Variants in IGSF9 observed in about 807,000 individuals in gnomAD.
IGSF9 encodes the protein protein turtle homolog A.
In IGSF9, 87 loss-of-function variants were observed where a neutral mutation model predicts 121.7. The ratio of observed to expected loss-of-function variants is 0.71; its 90% CI spans 0.60 to 0.85. IGSF9 has a LOEUF of 0.85. Ranked by LOEUF, IGSF9 falls within the 40% of genes least tolerant of loss-of-function variation. The pLI, the probability that IGSF9 is intolerant of heterozygous loss-of-function variation, is 0.00. For missense variants in IGSF9, 1,462 were observed against 1,565.3 expected (o/e 0.93, Z 1.11); for synonymous variants, 640 against 648.4 (o/e 0.99, Z 0.20).
Position 159,928,635 on chromosome 1 carries a change from G to A in IGSF9, c.2753C>T (p.Pro918Leu). ...PPPAAPPSPLPGPGPLLQYLS... is the reference protein window; with the variant it reads ...PPPAAPPSPLLGPGPLLQYLS... ...GTACTGGAGCAGGGGTCCAGGACCTGGCAAGGGACTGGGTGGGGCTGCTGG... is the reference window on the plus strand; with the variant it reads ...GTACTGGAGCAGGGGTCCAGGACCTAGCAAGGGACTGGGTGGGGCTGCTGG... The change falls in exon 19 of 21, where the codon CCA (proline) becomes CTA (leucine). Residue 918 changes from proline (P) to leucine (L), a missense_variant. This residue lies in a region of IGSF9 where 808 missense variants were observed against 815.2 expected (regional missense o/e 0.99). Coordinates refer to ENST00000368094, the MANE Select transcript of IGSF9 (RefSeq NM_001135050.2). The A allele has an allele frequency of 6.7e-7, 1 of 1,486,398 alleles. No homozygotes were observed. The highest frequency in any genetic ancestry group is 1.4e-5 in the African/African-American group (1 of 71,508). The allele number at this position is 1,486,398 out of a possible 1,614,324, so 92.1% of individuals were successfully genotyped here.
Position 159,928,313 on chromosome 1 carries a change from G to T in IGSF9, c.3075C>A (p.Ser1025Arg). ...GGAACGAAGCGCTGCCTCGCCCACT[G>T]CTCTGGCTGGTGAGGCTGCCTCGAG... is the stretch of plus-strand genomic sequence containing the variant. ...AAPRGSLTSQ[S>R]SGRGSASFLR... is the part of the protein sequence containing the mutation. Residue 1025 changes from serine (S) to arginine (R), a missense_variant, in exon 19 of 21, where the codon AGC becomes AGA. By Grantham distance (110) the Ser-to-Arg change is moderately radical. Transcript: ENST00000368094. 2 of 1,610,946 alleles carry T rather than the reference G, an allele frequency of 1.2e-6. No homozygotes were observed. The highest frequency in any genetic ancestry group is 1.7e-5 in the Admixed American group (1 of 59,782).
intron 9 of IGSF9, 77 bp downstream of exon 9, chr1:159,934,113 C>T (rs970484097): frequency 3.5e-5 from 52 of 1,497,288 alleles, no homozygotes; most frequent in East Asian, 4.9e-5. Context: ...TGAATTAAAC[C>T]GAGCTAACTC....
Position 159,928,244 on chromosome 1 carries a change from G to C in IGSF9, c.3144C>G (p.Leu1048=), listed in dbSNP as rs761380186. 6.2e-7 allele frequency: 1 copy of C among 1,613,242 alleles called. No homozygotes were observed. The highest frequency in any genetic ancestry group is 8.5e-7 in the Non-Finnish European group (1 of 1,179,912). Residue 1048 remains leucine (L), a synonymous_variant, in exon 19 of 21, where the codon CTC becomes CTG. Transcript: ENST00000368094. ...STAPSAGGSY[L]SPAPGDTSSW... is the part of the protein sequence containing the mutation. ...TGCTGGTGTCTCCTGGAGCAGGGCTGAGGTAGCTGCCTCCTGCAGAGGGGG... is the reference window on the plus strand; with the variant it reads ...TGCTGGTGTCTCCTGGAGCAGGGCTCAGGTAGCTGCCTCCTGCAGAGGGGG...
chr1:159,944,984 C>T (rs1056176443), intron 1 of IGSF9, among the ~76,000 whole-genome samples: 1 of 151,974 alleles, frequency 6.6e-6, no homozygotes, highest in African/African-American at 2.4e-5. Flanking sequence ...CCCTAGAATT[C>T]CTCCCAGTCT....
At chr1:159,944,418 G>A (rs1025377468) in intron 1 of IGSF9, among the ~76,000 whole-genome samples, 1 of 152,042 alleles carries the variant, frequency 6.6e-6, no homozygotes, top group Non-Finnish European at 1.5e-5. Context: ...GGCAGCTGGC[G>A]CCACTTCCTC....
At chr1:159,927,684 T>C in intron 20 of IGSF9, 76 bp downstream of exon 20, 2 of 1,568,414 alleles carry the variant, frequency 1.3e-6, no homozygotes, top group Non-Finnish European at 1.7e-6. Context: ...TGACTGGGAA[T>C]AGATGGGTCC....
In IGSF9 at chr1:159,928,472, G is replaced by T. The variant is rs368478330; in HGVS notation, c.2916C>A (p.Thr972=). 7.5e-6 allele frequency: 12 copies of T among 1,589,938 alleles called. No homozygotes were observed. Among genetic ancestry groups the T allele is most frequent in the African/African-American group, 6.7e-5 (5 of 74,362 alleles). ...PTSSFLRSPE[T]PPVSPRESLP... ...GTGATTCCCTGGGGGATACAGGAGG[G>T]GTTTCTGGAGAACGAAGGAAAGATG... Residue 972 remains threonine (T), a synonymous_variant, in exon 19 of 21, where the codon ACC becomes ACA. Coordinates refer to ENST00000368094, the MANE Select transcript of IGSF9 (RefSeq NM_001135050.2).
Position 159,927,274 on chromosome 1 carries a change from A to T in IGSF9, c.*71T>A. ...GGCAGGGGCAGTGCCCTCGTTTGAA[A>T]CTAGGTCTGTCTGGTTGGGGGCCTC... is the stretch of plus-strand genomic sequence containing the variant. On this transcript the variant is annotated 3_prime_UTR_variant, in exon 21 of 21. Coordinates refer to ENST00000368094, the MANE Select transcript of IGSF9 (RefSeq NM_001135050.2). The T allele has an allele frequency of 6.3e-7, 1 of 1,586,362 alleles. No homozygotes were observed. Among genetic ancestry groups the T allele is most frequent in the Non-Finnish European group, 8.6e-7 (1 of 1,157,922 alleles).
chr1:159,932,725 A>G lies in IGSF9; in HGVS notation c.1105-73T>C, dbSNP rs1651041349. On this transcript the variant is annotated intron_variant, in intron 9 of 20. Coordinates refer to ENST00000368094, the MANE Select transcript of IGSF9 (RefSeq NM_001135050.2). The surrounding 1 kb of genome is among the most constrained non-coding windows in gnomAD (Gnocchi z 4.1). ...CAAGCCCGGGATGGCAGTACAAGAG[A>G]GGGGGCAGGATGAGAAACCCACAGC... is the stretch of plus-strand genomic sequence containing the variant. 1 of 1,473,462 alleles carries G rather than the reference A, an allele frequency of 6.8e-7. No homozygotes were observed. Among genetic ancestry groups the G allele is most frequent in the South Asian group, 1.3e-5 (1 of 76,540 alleles). 91.3% of individuals were successfully genotyped at this position (1,473,462 alleles called of 1,614,324 possible). A position where few individuals can be genotyped will look rare whatever the true frequency, so the allele number is the denominator to read the frequency against.
At chr1:159,930,149 C>T (rs1355486271) in intron 15 of IGSF9, 40 bp downstream of exon 15, 1 of 1,567,862 alleles carries the variant, frequency 6.4e-7, no homozygotes, top group Non-Finnish European at 8.7e-7. Context: ...CGCAGGAGAG[C>T]CCCTAGGAGG....
In IGSF9 at chr1:159,931,661, C is replaced by T; in HGVS notation, c.1363-58G>A. ...CGCAGCCACCCCTCACCAAAGGCGC[C>T]CCTCATCTCTCCAGGCAGCTCCAGT... On this transcript the variant is annotated intron_variant, in intron 11 of 20. Coordinates refer to ENST00000368094, the MANE Select transcript of IGSF9 (RefSeq NM_001135050.2). The surrounding 1 kb of genome is among the most constrained non-coding windows in gnomAD (Gnocchi z 4.8). 1.9e-6 allele frequency: 3 copies of T among 1,586,552 alleles called. No homozygotes were observed. The highest frequency in any genetic ancestry group is 1.7e-5 in the Admixed American group (1 of 58,942).
At position 159,931,383 on chromosome 1, in the gene IGSF9, C is replaced by T. The variant is rs1190528527; in HGVS notation, c.1513+70G>A. 3.1e-6 allele frequency: 5 copies of T among 1,597,504 alleles called. No homozygotes were observed. The highest frequency in any genetic ancestry group is 1.1e-5 in the South Asian group (1 of 89,004). ...CCAGGGGTCCCACACCCATGATCCTCTTTCTGGGCCTCCAAAAACGATTCC... is the reference window on the plus strand; with the variant it reads ...CCAGGGGTCCCACACCCATGATCCTTTTTCTGGGCCTCCAAAAACGATTCC... On this transcript the variant is annotated intron_variant, in intron 12 of 20. Coordinates refer to ENST00000368094, the MANE Select transcript of IGSF9 (RefSeq NM_001135050.2). This position sits in a 1 kb window ranked among gnomAD's most constrained non-coding sequence, Gnocchi z 4.8.
chr1:159,934,637 T>C (rs1651123454), intron 7 of IGSF9, 44 bp downstream of exon 7: 2 of 1,613,760 alleles, frequency 1.2e-6, no homozygotes, highest in Non-Finnish European at 1.7e-6. Context: ...CAGAGACTGT[T>C]TGTGAATTCC....
Position 159,934,584 on chromosome 1 carries a change from T to C in IGSF9, c.816-14A>G. On this transcript the variant is annotated splice_polypyrimidine_tract_variant and intron_variant, in intron 7 of 20. Transcript: ENST00000368094. Reference sequence around the variant, plus strand: ...GGCTGCAGGCGGCTGCAATGTGGCATGTGTGAGGAGGGGTCCAGGCCTTGC... The same window carrying C: ...GGCTGCAGGCGGCTGCAATGTGGCACGTGTGAGGAGGGGTCCAGGCCTTGC... 1 of 1,613,598 alleles carries C rather than the reference T, an allele frequency of 6.2e-7. No individual in the cohort carries two copies.
intron 4 of IGSF9, 92 bp downstream of exon 4, chr1:159,937,594 T>C (rs1252859652): frequency 1.5e-5 from 21 of 1,428,830 alleles, no homozygotes; most frequent in East Asian, 4.6e-5. Flanking sequence ...GGGATGGAAA[T>C]AGAACTCCCT....
intron 3 of IGSF9, among the ~76,000 whole-genome samples, chr1:159,942,472 A>G (rs538049485): frequency 3.3e-5 from 5 of 152,222 alleles, no homozygotes; most frequent in Non-Finnish European, 5.9e-5. Flanking sequence ...CTGCTGCCCC[A>G]TCAGCCCACT....
At position 159,928,482 on chromosome 1, in the gene IGSF9, G is replaced by T. The variant is rs1158351333; in HGVS notation, c.2906C>A (p.Ser969Tyr). The change falls in exon 19 of 21, where the codon TCT (serine) becomes TAT (tyrosine). Residue 969 changes from serine to tyrosine, a missense_variant. This residue lies in a region of IGSF9 where 808 missense variants were observed against 815.2 expected (regional missense o/e 0.99). Coordinates refer to ENST00000368094, the MANE Select transcript of IGSF9 (RefSeq NM_001135050.2). The stretch of plus-strand genomic sequence containing the variant: ...GGGGGATACAGGAGGGGTTTCTGGA[G>T]AACGAAGGAAAGATGAGGTGGGACA... ...RRCPTSSFLRSPETPPVSPRE... is the reference protein window; with the variant it reads ...RRCPTSSFLRYPETPPVSPRE... 7 of 1,586,246 alleles carry T rather than the reference G, an allele frequency of 4.4e-6. No individual in the cohort carries two copies. Among genetic ancestry groups the T allele is most frequent in the Non-Finnish European group, 6.0e-6 (7 of 1,164,032 alleles).
Position 159,943,072 on chromosome 1 carries a change from C to A in IGSF9, c.138G>T (p.Pro46=), listed in dbSNP as rs767017542. ...SVVLGCDLLP[P]AGRPPLHVIE... ...TGACATGCAGGGGGGGCCGGCCGGC[C>A]GGGGGCAGCAGGTCACAGCCCAGCA... The change falls in exon 3 of 21, where the codon CCG becomes CCT. Residue 46 remains proline, a synonymous_variant. Transcript: ENST00000368094. 6.2e-7 allele frequency: 1 copy of A among 1,612,540 alleles called. No homozygotes were observed. Among genetic ancestry groups the A allele is most frequent in the South Asian group, 1.1e-5 (1 of 90,846 alleles).
In IGSF9 at chr1:159,929,381, A is replaced by G. The variant is rs769499549; in HGVS notation, c.2339T>C (p.Ile780Thr). 1.8e-5 allele frequency: 29 copies of G among 1,614,042 alleles called. 1 individual carries two copies. The East Asian group carries it at 5.3e-4, about 30-fold the overall frequency. The change falls in exon 18 of 21, where the codon ATC becomes ACC. Residue 780 changes from isoleucine to threonine, a missense_variant. Transcript: ENST00000368094. ...AGCTGACTTCCCGGTCGGAGAGAAG[A>G]TAAGAGGTGGATCTGGAAGGGCATG... ...RKRLRQDPPL[I>T]FSPTGKSAAP...
Sources: gnomAD v4.1 joint callset for allele counts (sites outside exome capture counted in the v4.1 genomes callset) on GRCh38, gnomAD v4.1.1 for gene constraint, gnomAD v4.1.1 regional missense constraint, Gnocchi (gnomAD v3.1) non-coding constraint, MANE v1.5 for transcripts, NCBI Gene and HGNC (gene_info 2026-07-23, HGNC 2026-07-21) for gene names.